Variants in HMCN2 observed in about 807,000 individuals in gnomAD.
HMCN2 encodes the protein hemicentin 2, also known as hemicentin-2.
Under a neutral mutation model 377.5 loss-of-function variants are expected in HMCN2, and 325 were observed. The ratio of observed to expected loss-of-function variants is 0.86; its 90% confidence interval spans 0.79 to 0.94. HMCN2 has a LOEUF of 0.94. Ranked by LOEUF, HMCN2 falls within the 40% of genes least tolerant of loss-of-function variation. The pLI, the probability that HMCN2 is intolerant of heterozygous loss-of-function variation, is 0.00. For missense variants in HMCN2, 4,543 were observed against 4,725.3 expected (o/e 0.96, Z 1.13); for synonymous variants, 2,007 against 2,046.8 (o/e 0.98, Z 0.53).
At chr9:130,352,325 C>T (rs780308601) in intron 30 of HMCN2, among the ~76,000 whole-genome samples, 28 of 152,304 alleles carry the variant, frequency 1.8e-4, no homozygotes, top group Non-Finnish European at 3.8e-4. Flanking sequence ...ATTCTCGAGG[C>T]GTGGACTCCG....
intron 83 of HMCN2, 123 bp from the exon 84 acceptor site, chr9:130,408,620 G>T (rs1288607865): frequency 2.0e-6 from 1 of 490,772 alleles, no homozygotes; most frequent in Admixed American, 3.6e-5. Context: ...CAACCATGCT[G>T]TGCTAGCAGA....
At chr9:130,396,094 G>A in intron 72 of HMCN2, 29 bp downstream of exon 72, 4 of 176,376 alleles carry the variant, frequency 2.3e-5, no homozygotes, top group Non-Finnish European at 3.2e-5. Context: ...ACCCCACCCT[G>A]CCCACCTTAC....
At chr9:130,417,279 T>G (rs1055729046) in intron 85 of HMCN2, among the ~76,000 whole-genome samples, 3 of 151,918 alleles carry the variant, frequency 2.0e-5, no homozygotes, top group Admixed American at 6.6e-5. Flanking sequence ...CCTAGCACTT[T>G]GGGAGGCCGA....
At chr9:130,313,537 C>T (rs1342730384) in intron 15 of HMCN2, among the ~76,000 whole-genome samples, 2 of 151,978 alleles carry the variant, frequency 1.3e-5, no homozygotes, top group Admixed American at 6.5e-5. Flanking sequence ...ATAGGGCCCT[C>T]GAGAGGTTTC....
chr9:130,341,556 T>G (rs1464777904), intron 24 of HMCN2, among the ~76,000 whole-genome samples, 191 bp downstream of exon 24: 1 of 152,164 alleles, frequency 6.6e-6, no homozygotes, highest in Non-Finnish European at 1.5e-5. Context: ...TCCAGGAGCC[T>G]TTGTCAGTCC....
intron 22 of HMCN2, among the ~76,000 whole-genome samples, chr9:130,333,497 C>T (rs958433299): frequency 2.0e-5 from 3 of 152,224 alleles, no homozygotes; most frequent in African/African-American, 7.2e-5. Context: ...GGGGCTCAAG[C>T]CAGATGGATG....
At chr9:130,390,468 T>G (rs1000565642) in intron 62 of HMCN2, among the ~76,000 whole-genome samples, 6 of 152,210 alleles carry the variant, frequency 3.9e-5, no homozygotes, top group African/African-American at 7.2e-5. Flanking sequence ...CATGAGGATC[T>G]GGGCAAGGAG....
rs772701639 is a variant in HMCN2 at position 130,393,650 on chromosome 9, C to T, written c.10235-92C>T. On this transcript the variant is annotated intron_variant, in intron 67 of 97. Transcript: ENST00000683500. This position sits in a 1 kb window ranked among gnomAD's most constrained non-coding sequence, Gnocchi z 5.2. Reference sequence around the variant, plus strand: ...CTCACCTGGCCTTGGGGGACCAGGGCGGCTTCCTGGAAGAGGTGATGTCTA... The same window carrying T: ...CTCACCTGGCCTTGGGGGACCAGGGTGGCTTCCTGGAAGAGGTGATGTCTA... 1.9e-5 allele frequency: 22 copies of T among 1,140,848 alleles called. No individual in the cohort carries two copies. Among genetic ancestry groups the T allele is most frequent in the Middle Eastern group, 2.4e-4 (1 of 4,130 alleles). 70.7% of individuals were successfully genotyped at this position (1,140,848 alleles called of 1,614,324 possible).
chr9:130,358,791 A>G (rs1300475468), intron 36 of HMCN2, among the ~76,000 whole-genome samples: 1 of 151,578 alleles, frequency 6.6e-6, no homozygotes, highest in Non-Finnish European at 1.5e-5. Flanking sequence ...CTCCTGCCTC[A>G]GCCTCCCGAG....
At position 130,403,259 on chromosome 9, in the gene HMCN2, C is replaced by T. The variant is rs1842937601; in HGVS notation, c.11944C>T (p.Pro3982Ser). 1 of 1,289,784 alleles carries T rather than the reference C, an allele frequency of 7.8e-7. No individual in the cohort carries two copies. The highest frequency in any genetic ancestry group is 1.0e-6 in the Non-Finnish European group (1 of 988,856). The allele number at this position is 1,289,784 out of a possible 1,614,324, so 79.9% of individuals were successfully genotyped here. ...AGTGGCAGAGGAGGAGGTGCTGCTG[C>T]CCTGCGAGGCCTCAGGCATCCCCCG... ...RAVAEEEVLL[P>S]CEASGIPRPT... Residue 3982 changes from proline to serine, a missense_variant, in exon 79 of 98, where the codon CCC becomes TCC. This residue lies in a region of HMCN2 where 1,073 missense variants were observed against 1,319.5 expected (regional missense o/e 0.81). Coordinates refer to ENST00000683500, the MANE Select transcript of HMCN2 (RefSeq NM_001291815.2).
chr9:130,406,499 G>A (rs1027007365), intron 82 of HMCN2: 8 of 277,542 alleles, frequency 2.9e-5, no homozygotes, highest in African/African-American at 8.8e-5. Flanking sequence ...CTGGGGGCCC[G>A]TGGGGACTCT....
Position 130,349,676 on chromosome 9 carries a change from C to A in HMCN2, c.4430+13C>A, listed in dbSNP as rs190486581. On this transcript the variant is annotated intron_variant, in intron 29 of 97. Transcript: ENST00000683500. ...CCAAGGACAGGCAGTGAGTGCCCCC[C>A]TCCCCGAGGATGGCGTGTGGTGGTG... is the stretch of plus-strand genomic sequence containing the variant. The A allele has an allele frequency of 1.3e-4, 174 of 1,300,144 alleles. 1 individual carries two copies. The African/African-American group carries it at 2.2e-3, about 17-fold the overall frequency. The allele number at this position is 1,300,144 out of a possible 1,614,324, so 80.5% of individuals were successfully genotyped here. A position where few individuals can be genotyped will look rare whatever the true frequency, so the allele number is the denominator to read the frequency against.
Position 130,427,303 on chromosome 9 carries a change from T to G in HMCN2, c.13880-10T>G. 6.4e-7 allele frequency: 1 copy of G among 1,550,470 alleles called. No homozygotes were observed. The highest frequency in any genetic ancestry group is 8.7e-7 in the Non-Finnish European group (1 of 1,146,940). ...TCATGTCCTTAGAGTCTATCCTCTT[T>G]GCTTTGCAGAGGAGAACGAGGTCGG... On this transcript the variant is annotated splice_polypyrimidine_tract_variant and intron_variant, in intron 90 of 97. Coordinates refer to ENST00000683500, the MANE Select transcript of HMCN2 (RefSeq NM_001291815.2).
intron 15 of HMCN2, among the ~76,000 whole-genome samples, chr9:130,311,901 G>A (rs1437915614): frequency 2.0e-5 from 3 of 152,120 alleles, no homozygotes; most frequent in African/African-American, 7.2e-5. Flanking sequence ...TTTCCACTGT[G>A]GCTGGGTTCT....
chr9:130,300,147 G>A (rs1429213203), intron 8 of HMCN2, among the ~76,000 whole-genome samples: 2 of 136,250 alleles, frequency 1.5e-5, no homozygotes, highest in African/African-American at 5.6e-5. Context: ...ACCCATTCAT[G>A]CATCCACCCA....
intron 15 of HMCN2, among the ~76,000 whole-genome samples, chr9:130,313,039 C>A (rs2048175702): frequency 6.6e-6 from 1 of 152,162 alleles, no homozygotes; most frequent in South Asian, 2.1e-4. Context: ...GACCTTGGAG[C>A]CATGTCCCTG....
chr9:130,324,773 C>T (rs1012038738), intron 19 of HMCN2, among the ~76,000 whole-genome samples: 70 of 151,966 alleles, frequency 4.6e-4, no homozygotes, highest in African/African-American at 1.6e-3. Context: ...TGCAGGCGCC[C>T]GCCACTGTAC....
In HMCN2 at chr9:130,428,369, T is replaced by G; in HGVS notation, c.14077T>G (p.Cys4693Gly). The change falls in exon 93 of 98, where the codon TGT (cysteine) becomes GGT (glycine). Residue 4693 changes from cysteine (C) to glycine (G), a missense_variant. Coordinates refer to ENST00000683500, the MANE Select transcript of HMCN2 (RefSeq NM_001291815.2). This position sits in a 1 kb window ranked among gnomAD's most constrained non-coding sequence, Gnocchi z 5.0. ...TGATCTGCCCCCAGATGTGGACGAG[T>G]GTGCGTGGGATGCTCACCTCTGCCG... ...DDRNCRDVDE[C>G]AWDAHLCREG... 6.5e-7 allele frequency: 1 copy of G among 1,547,072 alleles called. No homozygotes were observed. Among genetic ancestry groups the G allele is most frequent in the Non-Finnish European group, 8.7e-7 (1 of 1,146,366 alleles).
At position 130,295,708 on chromosome 9, in the gene HMCN2, A is replaced by G. The variant is rs10988681; in HGVS notation, c.827A>G (p.Asn276Ser). The G allele has an allele frequency of 0.025, 11,694 of 470,990 alleles. 185 individuals carry two copies. The highest frequency in any genetic ancestry group is 0.032 in the Non-Finnish European group (7,210 of 226,976). The allele number at this position is 470,990 out of a possible 1,614,324, so 29.2% of individuals were successfully genotyped here. A position where few individuals can be genotyped will look rare whatever the true frequency, so the allele number is the denominator to read the frequency against. ...GACGAGGGCCTCAACGTGCTTCTCA[A>G]CATCCCTGACTCGGCCAAGGTCGTA... ...QEDEGLNVLL[N>S]IPDSAKVVAF... Residue 276 changes from asparagine (N) to serine (S), a missense_variant, in exon 6 of 98, where the codon AAC becomes AGC. Physicochemically the swap from Asn to Ser is conservative, Grantham distance 46. This residue lies in a region of HMCN2 where 547 missense variants were observed against 189.9 expected (regional missense o/e 2.88). Coordinates refer to ENST00000683500, the MANE Select transcript of HMCN2 (RefSeq NM_001291815.2).
Sources: allele counts gnomAD v4.1 joint callset (sites outside exome capture counted in the v4.1 genomes callset), GRCh38; gene constraint gnomAD v4.1.1; regional missense constraint gnomAD v4.1.1; non-coding constraint Gnocchi (gnomAD v3.1); transcripts MANE v1.5; gene names NCBI Gene and HGNC (gene_info 2026-07-23, HGNC 2026-07-21).